Variants in PALLD observed in about 807,000 individuals in gnomAD.
PALLD encodes palladin, cytoskeletal associated protein.
In PALLD, 61 loss-of-function variants were observed where a neutral mutation model predicts 123.5. The observed-to-expected ratio is 0.49, with a 90% CI of 0.40 to 0.61. PALLD has a LOEUF of 0.61. Ranked by LOEUF, PALLD falls within the 20% of genes least tolerant of loss-of-function variation. The pLI, the probability that PALLD is intolerant of heterozygous loss-of-function variation, is 0.00. For synonymous variants in PALLD, 465 were observed against 496.4 expected (o/e 0.94, Z 0.84); for missense variants, 1,273 against 1,377.0 (o/e 0.92, Z 1.20).
At chr4:168,640,891 A>C (rs1336992835) in intron 2 of PALLD, among the ~76,000 whole-genome samples, 1 of 152,044 alleles carries the variant, frequency 6.6e-6, no homozygotes, top group Non-Finnish European at 1.5e-5. Context: ...CCCGTGTGTG[A>C]GTTGGGTATG....
At chr4:168,833,845 T>C (rs1313901569) in intron 10 of PALLD, among the ~76,000 whole-genome samples, 5 of 150,920 alleles carry the variant, frequency 3.3e-5, no homozygotes, top group African/African-American at 1.2e-4. Flanking sequence ...TCTGTTTAGA[T>C]CAATGGATAT....
Position 168,914,934 on chromosome 4 carries a change from A to C in PALLD, c.2717+913A>C, listed in dbSNP as rs541274962. On this transcript the variant is annotated intron_variant, in intron 16 of 21. Coordinates refer to ENST00000505667, the MANE Select transcript of PALLD (RefSeq NM_001166108.2). ...GATTTAATTCTAACTTCATCATGGCAATACCTATTCACAGGATGCTAGCCT... is the reference window on the plus strand; with the variant it reads ...GATTTAATTCTAACTTCATCATGGCCATACCTATTCACAGGATGCTAGCCT... Among the ~76,000 whole-genome samples the C allele has an allele frequency of 5.3e-5, 8 of 152,300 alleles. No individual in the cohort carries two copies. The South Asian group carries it at 1.7e-3, about 32-fold the overall frequency.
At chr4:168,847,702 A>G (rs1006400725) in intron 10 of PALLD, among the ~76,000 whole-genome samples, 1 of 152,156 alleles carries the variant, frequency 6.6e-6, no homozygotes, top group African/African-American at 2.4e-5. Flanking sequence ...TTGTGGGTAC[A>G]TAGGTGTGTA....
intron 3 of PALLD, among the ~76,000 whole-genome samples, chr4:168,675,435 A>G (rs76086287): frequency 0.024 from 3,621 of 152,316 alleles, 140 homozygotes; most frequent in African/African-American, 0.083. Context: ...GTAATCACAT[A>G]GGGTAAAGCC....
chr4:168,794,448 T>C (rs1172655568), intron 10 of PALLD, among the ~76,000 whole-genome samples: 6 of 99,446 alleles, frequency 6.0e-5, no homozygotes, highest in Admixed American at 1.7e-4. Context: ...CACATAGACA[T>C]ACGCGCAGCG....
intron 10 of PALLD, among the ~76,000 whole-genome samples, chr4:168,835,231 T>C (rs1018106349): frequency 4.6e-5 from 7 of 152,218 alleles, no homozygotes; most frequent in Middle Eastern, 3.2e-3. Flanking sequence ...GGATAAACTC[T>C]GAGTAATCAC....
Position 168,898,491 on chromosome 4 carries a change from A to G in PALLD, c.2251-2A>G. On this transcript the variant is annotated splice_acceptor_variant, in intron 13 of 21. Transcript: ENST00000505667. LOFTEE classifies it high-confidence loss of function. ...TGCTAACTTAAACTTTCCTTGATTC[A>G]GGAATACAAAGTCTCCAGCTGTGAA... 6.2e-7 allele frequency: 1 copy of G among 1,603,260 alleles called. No homozygotes were observed. Among genetic ancestry groups the G allele is most frequent in the Admixed American group, 1.7e-5 (1 of 60,002 alleles).
intron 10 of PALLD, among the ~76,000 whole-genome samples, chr4:168,770,753 C>T (rs1203053666): frequency 8.0e-6 from 1 of 124,276 alleles, no homozygotes; most frequent in Non-Finnish European, 1.9e-5. Flanking sequence ...TAACACATTC[C>T]TAAGAATCAA....
chr4:168,520,041 C>A (rs1763375246), intron 2 of PALLD, among the ~76,000 whole-genome samples: 2 of 152,010 alleles, frequency 1.3e-5, no homozygotes, highest in Admixed American at 1.3e-4. Context: ...AGAATGGCAC[C>A]TTTCGCCGGG....
intron 1 of PALLD, among the ~76,000 whole-genome samples, chr4:168,504,628 G>A (rs966843988): frequency 2.6e-5 from 4 of 151,184 alleles, no homozygotes; most frequent in African/African-American, 7.3e-5. Context: ...GCTAATGAGC[G>A]TTTTAGGGAA....
intron 2 of PALLD, among the ~76,000 whole-genome samples, chr4:168,654,989 G>A (rs1377515477): frequency 6.7e-6 from 1 of 149,244 alleles, no homozygotes; most frequent in Non-Finnish European, 1.5e-5. Context: ...GGCTACTTGT[G>A]TGTGTGTGTG....
chr4:168,597,238 T>A (rs1157216468), intron 2 of PALLD, among the ~76,000 whole-genome samples: 1 of 152,094 alleles, frequency 6.6e-6, no homozygotes, highest in Non-Finnish European at 1.5e-5. Flanking sequence ...ATACTATTTA[T>A]CAGATTGGCA....
chr4:168,660,923 G>A (rs1470980567), intron 2 of PALLD, among the ~76,000 whole-genome samples: 1 of 131,242 alleles, frequency 7.6e-6, no homozygotes, highest in Non-Finnish European at 1.6e-5. Flanking sequence ...CCTTTTTTTT[G>A]AGACAGAGTC....
At chr4:168,653,687 C>T (rs746128960) in intron 2 of PALLD, among the ~76,000 whole-genome samples, 11 of 152,002 alleles carry the variant, frequency 7.2e-5, no homozygotes, top group Non-Finnish European at 1.0e-4. Context: ...TAGTCATTAT[C>T]GTTTGCTTGT....
chr4:168,905,790 C>CTTTTTTTTTTTTTTTTTTTTTT (rs59427697), intron 15 of PALLD, among the ~76,000 whole-genome samples: 3 of 113,096 alleles, frequency 2.7e-5, no homozygotes, highest in African/African-American at 6.4e-5. Flanking sequence ...GCTTTTTTTT[C>CTTTTTTTTTTTTTTTTTTTTTT]TTTTTTTTTT....
intron 10 of PALLD, among the ~76,000 whole-genome samples, chr4:168,859,150 C>G (rs1442525583): frequency 6.6e-6 from 1 of 152,192 alleles, no homozygotes; most frequent in African/African-American, 2.4e-5. Flanking sequence ...CGGGGCTTAC[C>G]TGCATTTCAC....
In PALLD at chr4:168,511,626, A is replaced by G. The variant is rs753297099; in HGVS notation, c.122A>G (p.Lys41Arg). 6.2e-7 allele frequency: 1 copy of G among 1,614,188 alleles called. No homozygotes were observed. The highest frequency in any genetic ancestry group is 8.5e-7 in the Non-Finnish European group (1 of 1,180,020). ...TTCCTCAGCCAGGAAGAGATAAACAAGAGTCTTGACCTGGCCCGGAGAGCC... is the reference window on the plus strand; with the variant it reads ...TTCCTCAGCCAGGAAGAGATAAACAGGAGTCTTGACCTGGCCCGGAGAGCC... The part of the protein sequence containing the change: ...SAFLSQEEIN[K>R]SLDLARRAIA... The change falls in exon 2 of 22, where the codon AAG becomes AGG. Residue 41 changes from lysine to arginine, a missense_variant. This residue lies in a region of PALLD where 944 missense variants were observed against 954.5 expected (regional missense o/e 0.99). Transcript: ENST00000505667.
chr4:168,680,480 T>TA (rs1781435887), intron 3 of PALLD, among the ~76,000 whole-genome samples: 1 of 40,532 alleles, frequency 2.5e-5, no homozygotes, highest in African/African-American at 1.2e-4. Flanking sequence ...AGATTCCGTC[T>TA]CAAAAAAAAA....
At chr4:168,548,623 A>G (rs1295297975) in intron 2 of PALLD, among the ~76,000 whole-genome samples, 1 of 152,194 alleles carries the variant, frequency 6.6e-6, no homozygotes, top group Non-Finnish European at 1.5e-5. Flanking sequence ...ATCTAATGCA[A>G]GTCCTAGGTG....
Sources: allele counts gnomAD v4.1 joint callset (sites outside exome capture counted in the v4.1 genomes callset), GRCh38; gene constraint gnomAD v4.1.1; regional missense constraint gnomAD v4.1.1; transcripts MANE v1.5; gene names NCBI Gene and HGNC (gene_info 2026-07-23, HGNC 2026-07-21).